ATG10: variants seen among roughly 807,000 people sequenced by gnomAD.
ATG10 encodes the protein autophagy related 10, also known as ubiquitin-like-conjugating enzyme ATG10.
ATG10 carries 30 observed loss-of-function variants against 32.1 expected under a neutral mutation model. The observed-to-expected ratio is 0.94, with a 90% CI of 0.70 to 1.27. The LOEUF (loss-of-function observed/expected upper bound fraction) is 1.27, where lower values mean the gene tolerates loss of function less well. Among genes scored for constraint, ATG10 ranks in the 50% most tolerant of loss-of-function variants. The pLI is 0.00. For missense variants in ATG10, 233 were observed against 262.3 expected (o/e 0.89, Z 0.77); for synonymous variants, 87 against 91.5 (o/e 0.95, Z 0.28).
chr5:82,027,099 TAA>T, intron 2 of ATG10, among the ~76,000 whole-genome samples: 1 of 150,762 alleles, frequency 6.6e-6, no homozygotes, highest in Non-Finnish European at 1.5e-5. Context: ...AATAAATAAA[TAA>T]ATAAATAAAT....
At chr5:82,187,233 G>C (rs1744482440) in intron 5 of ATG10, among the ~76,000 whole-genome samples, 1 of 152,056 alleles carries the variant, frequency 6.6e-6, no homozygotes, top group Non-Finnish European at 1.5e-5. Flanking sequence ...GGCCAGGCAT[G>C]GTGGCTTACA....
chr5:82,178,480 A>C lies in ATG10; in HGVS notation c.356-10A>C, dbSNP rs376187735. 3 of 1,554,206 alleles carry C rather than the reference A, an allele frequency of 1.9e-6. No individual in the cohort carries two copies. Among genetic ancestry groups the C allele is most frequent in the South Asian group, 2.2e-5 (2 of 89,782 alleles). ...ATTACTAACTCAGTCTTTACCATGC[A>C]CTTTCACAGATGGGAGACCTTTAAC... On this transcript the variant is annotated splice_polypyrimidine_tract_variant and intron_variant, in intron 4 of 7. Coordinates refer to ENST00000282185, the MANE Select transcript of ATG10 (RefSeq NM_031482.5).
Position 82,101,702 on chromosome 5 carries a change from CTG to C in ATG10, c.216+43102_216+43103del, listed in dbSNP as rs1445301128. On this transcript the variant is annotated intron_variant, in intron 3 of 7. Transcript: ENST00000282185. ...TGCTTTTTTAGAGGTACTGATGTCA[CTG>C]TTGTTGAACATTCAAAAGCAGCTGG... is the stretch of plus-strand genomic sequence containing the variant. 1.3e-5 allele frequency among the ~76,000 whole-genome samples: 2 copies of C among 152,148 alleles called. 1 individual carries two copies. The highest frequency in any genetic ancestry group is 2.9e-5 in the Non-Finnish European group (2 of 68,022).
intron 2 of ATG10, chr5:82,010,059 A>T (rs1465575304): frequency 3.7e-6 from 6 of 1,610,750 alleles, no homozygotes; most frequent in Non-Finnish European, 5.1e-6. Context: ...CTCGCCATCG[A>T]CGGCAATGTC....
At chr5:82,245,295 T>C (rs745667085) in intron 5 of ATG10, among the ~76,000 whole-genome samples, 1 of 152,244 alleles carries the variant, frequency 6.6e-6, no homozygotes, top group Non-Finnish European at 1.5e-5. Flanking sequence ...ATAATCTTTC[T>C]TGATAGCATA....
At chr5:82,071,904 A>AT (rs1187930420) in intron 3 of ATG10, among the ~76,000 whole-genome samples, 18 of 152,146 alleles carry the variant, frequency 1.2e-4, no homozygotes, top group African/African-American at 4.3e-4. Flanking sequence ...AATCAGAGAG[A>AT]TAGAACAAGT....
chr5:82,122,493 A>G (rs771582030), intron 3 of ATG10, among the ~76,000 whole-genome samples: 3 of 152,188 alleles, frequency 2.0e-5, no homozygotes, highest in Non-Finnish European at 4.4e-5. Context: ...AATTGCAACA[A>G]AAGCAAGACA....
intron 5 of ATG10, among the ~76,000 whole-genome samples, chr5:82,200,864 ATTATTTATTTATTTAT>A (rs34770803): frequency 1.2e-4 from 17 of 143,154 alleles, no homozygotes; most frequent in East Asian, 4.0e-4. Flanking sequence ...TTAAAAATAC[ATTATTTATTTATTTAT>A]TTATTTATTT....
intron 3 of ATG10, chr5:82,073,438 A>C (rs1470142240): frequency 6.6e-6 from 1 of 152,140 alleles, no homozygotes; most frequent in Non-Finnish European, 1.5e-5. Context: ...TTTGTGTAGC[A>C]GGTGGTGTGG....
chr5:82,054,407 T>C (rs778601569), intron 2 of ATG10, among the ~76,000 whole-genome samples: 6 of 152,180 alleles, frequency 3.9e-5, no homozygotes, highest in Admixed American at 3.9e-4. Context: ...AGCTCGCAGC[T>C]TATGCTGTGG....
In ATG10 at chr5:82,136,947, A is replaced by G. The variant is rs554971494; in HGVS notation, c.217-27452A>G. ...TTCTCTAATCTTGTCTTCATGCTTC[A>G]TTTCATTAAGTTGATCTTCAATCTC... On this transcript the variant is annotated intron_variant, in intron 3 of 7. Transcript: ENST00000282185. 2.0e-5 allele frequency among the ~76,000 whole-genome samples: 3 copies of G among 151,868 alleles called. No individual in the cohort carries two copies. The South Asian group carries it at 6.2e-4, about 32-fold the overall frequency.
chr5:81,997,614 C>G lies in ATG10; in HGVS notation c.108+9936C>G, dbSNP rs544928180. Among the ~76,000 whole-genome samples, 8 of 152,104 alleles carry G rather than the reference C, an allele frequency of 5.3e-5. No homozygotes were observed. In the South Asian group the frequency reaches 1.7e-3, roughly 32 times the overall value. The stretch of plus-strand genomic sequence containing the variant: ...TTGAGATTCAGAAGGAAATTGAAAC[C>G]CAATTTAAGGATTCTTAGAAACACA... On this transcript the variant is annotated intron_variant, in intron 2 of 7. Transcript: ENST00000282185.
intron 4 of ATG10, among the ~76,000 whole-genome samples, chr5:82,165,183 G>A (rs1213396413): frequency 2.0e-5 from 3 of 152,176 alleles, no homozygotes; most frequent in African/African-American, 7.2e-5. Flanking sequence ...TTCCCGCTTA[G>A]AGTCCACTGC....
At chr5:82,141,155 C>T (rs1194846704) in intron 3 of ATG10, among the ~76,000 whole-genome samples, 1 of 145,996 alleles carries the variant, frequency 6.8e-6, no homozygotes, top group Non-Finnish European at 1.5e-5. Context: ...TGCTGACCTT[C>T]CCTCCACTAT....
At chr5:81,976,256 G>T (rs868365260) in intron 1 of ATG10, 1 of 151,756 alleles carries the variant, frequency 6.6e-6, no homozygotes, top group Non-Finnish European at 1.5e-5. Flanking sequence ...TGATCCGCCC[G>T]CCTCGGCCTC....
At chr5:82,057,253 A>G (rs1057359716) in intron 2 of ATG10, among the ~76,000 whole-genome samples, 1 of 152,166 alleles carries the variant, frequency 6.6e-6, no homozygotes, top group Non-Finnish European at 1.5e-5. Flanking sequence ...TAAAAAATAG[A>G]GTTACTGTAT....
intron 5 of ATG10, among the ~76,000 whole-genome samples, chr5:82,231,032 A>G (rs976023399): frequency 2.6e-5 from 4 of 152,336 alleles, no homozygotes; most frequent in South Asian, 2.1e-4. Flanking sequence ...TGAAGCGTTC[A>G]TGAACTTCGT....
Position 82,137,343 on chromosome 5 carries a change from G to A in ATG10, c.217-27056G>A, listed in dbSNP as rs114566117. Among the ~76,000 whole-genome samples the A allele has an allele frequency of 5.7e-3, 865 of 152,238 alleles. 14 individuals are homozygous for A. The highest frequency in any genetic ancestry group is 0.02 in the African/African-American group (810 of 41,538). On this transcript the variant is annotated intron_variant, in intron 3 of 7. Coordinates refer to ENST00000282185, the MANE Select transcript of ATG10 (RefSeq NM_031482.5). Reference sequence around the variant, plus strand: ...TTTGTACTGGTTTTTCCTCATGTTCGTGGATTTATCTACCTTTGGTCTTTG... The same window carrying A: ...TTTGTACTGGTTTTTCCTCATGTTCATGGATTTATCTACCTTTGGTCTTTG...
intron 2 of ATG10, among the ~76,000 whole-genome samples, chr5:82,019,304 G>A (rs1581604362): frequency 6.6e-6 from 1 of 151,986 alleles, no homozygotes; most frequent in South Asian, 2.1e-4. Context: ...CAGCATTTCA[G>A]TAAAAATGGA....
Sources: allele counts gnomAD v4.1 joint callset (sites outside exome capture counted in the v4.1 genomes callset), GRCh38; gene constraint gnomAD v4.1.1; transcripts MANE v1.5; gene names NCBI Gene and HGNC (gene_info 2026-07-23, HGNC 2026-07-21).